The following SYTL5 variants were observed in gnomAD, a reference collection of about 807,000 sequenced individuals.
SYTL5 encodes synaptotagmin like 5, also known as synaptotagmin-like protein 5.
A neutral mutation model predicts 55.9 loss-of-function variants in SYTL5; 34 were observed. The ratio of observed to expected loss-of-function variants is 0.61; its 90% confidence interval spans 0.46 to 0.81. The LOEUF is 0.81. SYTL5 is among the 30% of genes least tolerant of loss of function. The pLI is 0.00. For synonymous variants in SYTL5, 221 were observed against 188.7 expected (o/e 1.17, Z -1.40); for missense variants, 637 against 546.7 (o/e 1.17, Z -1.65).
chrX:38,005,450 G>A (rs1449072916), upstream of SYTL5, among the ~76,000 whole-genome samples: 2 of 111,514 alleles, frequency 1.8e-5, no homozygotes, highest in Non-Finnish European at 3.8e-5. Flanking sequence ...AGAACAAACA[G>A]AAAATAGGTT....
chrX:38,084,376 C>T (rs762470608), intron 6 of SYTL5, among the ~76,000 whole-genome samples: 1 of 112,120 alleles, frequency 8.9e-6, no homozygotes, highest in South Asian at 3.7e-4. Context: ...CTGTGAGCCA[C>T]TCCAGCTAAT....
At chrX:37,897,343 C>T in the SYTL5 span, among the ~76,000 whole-genome samples, 4 of 109,749 alleles carry the variant, frequency 3.6e-5, no homozygotes, top group Admixed American at 9.7e-5. Flanking sequence ...ATTATCCGGG[C>T]GTGGTGTCAG....
In SYTL5 at chrX:38,096,609, A is replaced by G. The variant is rs1258750016; in HGVS notation, c.1062+375A>G. ...ATTGCTATATCTCAAGTTACCACCA[A>G]TAAATTCACTTCTAAACTGAGACAA... is the stretch of plus-strand genomic sequence containing the variant. On this transcript the variant is annotated intron_variant, in intron 9 of 16. Coordinates refer to ENST00000297875, the MANE Select transcript of SYTL5 (RefSeq NM_138780.3). 4.5e-5 allele frequency among the ~76,000 whole-genome samples: 5 copies of G among 111,480 alleles called. No individual in the cohort carries two copies. The Admixed American group carries it at 4.8e-4, about 11-fold the overall frequency.
chrX:37,959,646 G>A, the SYTL5 span, among the ~76,000 whole-genome samples: 8 of 111,790 alleles, frequency 7.2e-5, no homozygotes, highest in African/African-American at 2.3e-4. Context: ...TGTAAGAACC[G>A]GCTGCCTTCA....
chrX:38,071,577 C>G (rs1569176555), intron 3 of SYTL5, among the ~76,000 whole-genome samples: 1 of 111,734 alleles, frequency 8.9e-6, no homozygotes. Flanking sequence ...GATCATAAGT[C>G]TGATCACAGA....
rs1937732767 is a variant in SYTL5 at position 38,128,804 on chromosome X, A to T, written c.*2074A>T. 1 of 111,918 alleles carries T rather than the reference A, an allele frequency of 8.9e-6. No homozygotes were observed. Among genetic ancestry groups the T allele is most frequent in the Non-Finnish European group, 1.9e-5 (1 of 53,183 alleles). 9.2% of individuals were successfully genotyped at this position (111,918 alleles called of 1,213,427 possible). The stretch of plus-strand genomic sequence containing the variant: ...CACATAGGAAAAATAAAATGTCTTC[A>T]GACTTGATGTGACTCATTCTGTCTT... On this transcript the variant is annotated 3_prime_UTR_variant, in exon 17 of 17. Transcript: ENST00000297875.
chrX:38,051,309 G>T (rs1935617266), intron 2 of SYTL5, among the ~76,000 whole-genome samples: 1 of 108,134 alleles, frequency 9.2e-6, no homozygotes, highest in South Asian at 3.9e-4. Context: ...TTAAGCAGAG[G>T]AACCACATGA....
At chrX:37,900,990 A>C in the SYTL5 span, among the ~76,000 whole-genome samples, 1 of 112,076 alleles carries the variant, frequency 8.9e-6, no homozygotes, top group Non-Finnish European at 1.9e-5. Flanking sequence ...AGAATTACAG[A>C]AGTATTGAGA....
the SYTL5 span, among the ~76,000 whole-genome samples, chrX:37,975,412 A>G: frequency 8.9e-6 from 1 of 112,223 alleles, no homozygotes; most frequent in East Asian, 2.8e-4. Flanking sequence ...ATTTGAAAGC[A>G]TTGACAGCAC....
At chrX:37,924,292 T>A in the SYTL5 span, among the ~76,000 whole-genome samples, 2 of 111,323 alleles carry the variant, frequency 1.8e-5, no homozygotes, top group Non-Finnish European at 1.9e-5. Flanking sequence ...AACGACTATA[T>A]GGTCTTGGGT....
At position 38,128,257 on chromosome X, in the gene SYTL5, A is replaced by T. The variant is rs1473193726; in HGVS notation, c.*1527A>T. The T allele has an allele frequency of 1.8e-5, 2 of 112,181 alleles. No homozygotes were observed. Among genetic ancestry groups the T allele is most frequent in the Non-Finnish European group, 3.8e-5 (2 of 53,239 alleles). The allele number at this position is 112,181 out of a possible 1,213,427, so 9.2% of individuals were successfully genotyped here. A position where few individuals can be genotyped will look rare whatever the true frequency, so the allele number is the denominator to read the frequency against. On this transcript the variant is annotated 3_prime_UTR_variant, in exon 17 of 17. Transcript: ENST00000297875. ...AGGCTGTGACTAAATCTGGACTTAA[A>T]TCCAGACTATCAATCTTAGGCCAGT...
the SYTL5 span, among the ~76,000 whole-genome samples, chrX:37,940,600 G>GGATGTATATATATATATATA: frequency 2.6e-5 from 1 of 38,252 alleles, no homozygotes; most frequent in African/African-American, 5.1e-5. Flanking sequence ...GGATAGGTGT[G>GGATGTATATATATATATATA]TATGTATATA....
At chrX:37,919,289 G>T in the SYTL5 span, among the ~76,000 whole-genome samples, 1 of 111,568 alleles carries the variant, frequency 9.0e-6, no homozygotes, top group African/African-American at 3.3e-5. Flanking sequence ...GGCAAAGTGA[G>T]TAGCCAGGTG....
intron 2 of SYTL5, among the ~76,000 whole-genome samples, chrX:38,040,010 C>T (rs182285402): frequency 1.6e-4 from 18 of 110,161 alleles, no homozygotes; most frequent in African/African-American, 5.6e-4. Context: ...CCCATCCCTA[C>T]TAAAAATACA....
chrX:37,935,475 TC>T, the SYTL5 span, among the ~76,000 whole-genome samples: 1 of 112,554 alleles, frequency 8.9e-6, no homozygotes, highest in Non-Finnish European at 1.9e-5. Flanking sequence ...ATTTATTTTT[TC>T]TTTTTAACTG....
intron 15 of SYTL5, among the ~76,000 whole-genome samples, chrX:38,122,859 C>T (rs963433312): frequency 1.8e-5 from 2 of 112,567 alleles, no homozygotes; most frequent in African/African-American, 6.5e-5. Context: ...GAAACTAAGA[C>T]TGCAAGGTTA....
chrX:37,990,611 G>T, the SYTL5 span, among the ~76,000 whole-genome samples: 3 of 111,910 alleles, frequency 2.7e-5, no homozygotes, highest in Non-Finnish European at 5.6e-5. Flanking sequence ...AGTCATTAGC[G>T]TGACTAGATC....
In SYTL5 at chrX:38,126,884, A is replaced by G; in HGVS notation, c.*154A>G. 1 of 535,277 alleles carries G rather than the reference A, an allele frequency of 1.9e-6. No homozygotes were observed. The highest frequency in any genetic ancestry group is 2.9e-6 in the Non-Finnish European group (1 of 344,378). The allele number at this position is 535,277 out of a possible 1,213,427, so 44.1% of individuals were successfully genotyped here. On this transcript the variant is annotated 3_prime_UTR_variant, in exon 17 of 17. Transcript: ENST00000297875. The stretch of plus-strand genomic sequence containing the variant: ...AGAGATGTCAGTAGTATGAACATTT[A>G]GGGTCTTGCTGAGTGCCTAAAAAAC...
intron 10 of SYTL5, among the ~76,000 whole-genome samples, chrX:38,105,440 G>C (rs185245038): frequency 4.2e-4 from 47 of 112,557 alleles, no homozygotes; most frequent in Non-Finnish European, 1.9e-4. Flanking sequence ...CTGGAAAGGC[G>C]TGACAACACG....
Sources: allele counts gnomAD v4.1 joint callset (sites outside exome capture counted in the v4.1 genomes callset), GRCh38; gene constraint gnomAD v4.1.1; transcripts MANE v1.5; gene names NCBI Gene and HGNC (gene_info 2026-07-23, HGNC 2026-07-21).